Variants in SMARCC1 observed in about 807,000 individuals in gnomAD.
The protein encoded by SMARCC1 is SWI/SNF complex subunit SMARCC1.
Under a neutral mutation model 147.4 loss-of-function variants are expected in SMARCC1, and 43 were observed. The ratio of observed to expected loss-of-function variants is 0.29; its 90% CI spans 0.23 to 0.38. SMARCC1 has a LOEUF of 0.38. Ranked by LOEUF, SMARCC1 falls within the 10% of genes least tolerant of loss-of-function variation. SMARCC1 has a pLI of 1.00. For synonymous variants in SMARCC1, 495 were observed against 484.4 expected, an observed-to-expected ratio of 1.02 and a Z score of -0.29; for missense variants, 1,119 against 1,381.1, an observed-to-expected ratio of 0.81 and a Z score of 3.01.
intron 21 of SMARCC1, among the ~76,000 whole-genome samples, chr3:47,660,064 A>G (rs1349509221): frequency 6.6e-6 from 1 of 152,212 alleles, no homozygotes; most frequent in African/African-American, 2.4e-5. Context: ...CCCTAGGTAT[A>G]CACCCAACCA....
At chr3:47,711,976 T>C (rs561021642) in intron 8 of SMARCC1, among the ~76,000 whole-genome samples, 1 of 152,222 alleles carries the variant, frequency 6.6e-6, no homozygotes, top group Non-Finnish European at 1.5e-5. Flanking sequence ...TTCATGCCTG[T>C]AATCCCAGCA....
At chr3:47,702,460 CACT>C (rs1430077949) in intron 10 of SMARCC1, among the ~76,000 whole-genome samples, 2 of 152,204 alleles carry the variant, frequency 1.3e-5, no homozygotes, top group Admixed American at 6.5e-5. Context: ...TTTAACAATT[CACT>C]AAGAGGTAAG....
At chr3:47,663,649 C>T (rs2033381086) in intron 19 of SMARCC1, 3 of 1,515,384 alleles carry the variant, frequency 2.0e-6, no homozygotes, top group Non-Finnish European at 2.8e-6. Flanking sequence ...CAGAGGTCCC[C>T]TTTGAACCAT....
intron 16 of SMARCC1, 96 bp from the exon 17 acceptor site, chr3:47,676,878 C>A: frequency 9.7e-7 from 1 of 1,036,132 alleles, no homozygotes; most frequent in Non-Finnish European, 1.4e-6. Flanking sequence ...AACAATAAAA[C>A]CAGTAAATGT....
At chr3:47,716,540 C>A (rs1016636894) in intron 7 of SMARCC1, among the ~76,000 whole-genome samples, 1 of 152,026 alleles carries the variant, frequency 6.6e-6, no homozygotes, top group African/African-American at 2.4e-5. Flanking sequence ...TAACAAGACT[C>A]CTTAAGACAA....
In SMARCC1 at chr3:47,729,091, T is replaced by C; in HGVS notation, c.580A>G (p.Thr194Ala). The C allele has an allele frequency of 6.2e-7, 1 of 1,608,932 alleles. No homozygotes were observed. The highest frequency in any genetic ancestry group is 1.3e-5 in the African/African-American group (1 of 74,966). ...GCTTTTGACTTCTCATCCGTAAATG[T>C]TCCCTGGAAAGCAAATGAACAAAAA... ...LKDIIKRHQG[T>A]FTDEKSKASH... The change falls in exon 6 of 28, where the codon ACA (threonine) becomes GCA (alanine). Residue 194 changes from threonine to alanine, a missense_variant. Physicochemically the swap from Thr to Ala is moderately conservative, Grantham distance 58. This residue lies in a region of SMARCC1 where 542 missense variants were observed against 611.8 expected (regional missense o/e 0.89). Coordinates refer to ENST00000254480, the MANE Select transcript of SMARCC1 (RefSeq NM_003074.4).
At chr3:47,621,216 C>T (rs928442177) in intron 25 of SMARCC1, among the ~76,000 whole-genome samples, 5 of 149,636 alleles carry the variant, frequency 3.3e-5, no homozygotes, top group African/African-American at 1.2e-4. Flanking sequence ...AGGGGCATCG[C>T]TTGAACCTAG....
At chr3:47,737,864 G>A (rs1369644123) in intron 4 of SMARCC1, among the ~76,000 whole-genome samples, 165 bp downstream of exon 4, 2 of 146,616 alleles carry the variant, frequency 1.4e-5, no homozygotes, top group Admixed American at 1.4e-4. Flanking sequence ...GGGTTTCACC[G>A]TGTTAGCCAG....
At chr3:47,674,901 TTTC>T (rs1024482882) in intron 18 of SMARCC1, among the ~76,000 whole-genome samples, 129 of 152,310 alleles carry the variant, frequency 8.5e-4, no homozygotes, top group African/African-American at 2.7e-3. Context: ...CATTTTTCTT[TTTC>T]TTCTTTTAAT....
At chr3:47,665,358 T>C (rs1453977262) in intron 19 of SMARCC1, among the ~76,000 whole-genome samples, 1 of 152,138 alleles carries the variant, frequency 6.6e-6, no homozygotes, top group African/African-American at 2.4e-5. Flanking sequence ...GAAAAATAAA[T>C]CTCACTCGGG....
chr3:47,722,314 T>TTTTGG (rs2034242844), intron 6 of SMARCC1, among the ~76,000 whole-genome samples: 1 of 150,516 alleles, frequency 6.6e-6, no homozygotes, highest in Non-Finnish European at 1.5e-5. Context: ...TTTTTTTTTT[T>TTTTGG]GAGACAGAGT....
intron 12 of SMARCC1, among the ~76,000 whole-genome samples, chr3:47,689,806 G>A (rs1189440647): frequency 2.6e-5 from 4 of 152,098 alleles, no homozygotes; most frequent in African/African-American, 4.8e-5. Context: ...GTAAAAAAAC[G>A]GGTGATAACC....
At chr3:47,669,527 TCAGTAC>T (rs1488237659) in intron 19 of SMARCC1, among the ~76,000 whole-genome samples, 2 of 152,076 alleles carry the variant, frequency 1.3e-5, no homozygotes, top group Non-Finnish European at 2.9e-5. Flanking sequence ...AGTGAGTCAG[TCAGTAC>T]CATAGGAAAG....
intron 26 of SMARCC1, among the ~76,000 whole-genome samples, chr3:47,595,700 T>C (rs2032264357): frequency 1.3e-5 from 2 of 151,912 alleles, no homozygotes; most frequent in African/African-American, 4.8e-5. Flanking sequence ...CTATCTTTCA[T>C]CTGTATTACA....
intron 5 of SMARCC1, among the ~76,000 whole-genome samples, chr3:47,730,528 C>CA (rs755907262): frequency 1.3e-5 from 2 of 152,100 alleles, no homozygotes; most frequent in Non-Finnish European, 2.9e-5. Context: ...TTTTAGAAAA[C>CA]AGTGTACATA....
chr3:47,770,280 G>A (rs2034897515), intron 2 of SMARCC1, among the ~76,000 whole-genome samples: 1 of 151,448 alleles, frequency 6.6e-6, no homozygotes, highest in African/African-American at 2.4e-5. Flanking sequence ...GTAATCCCAG[G>A]ACTTTGCAAA....
At chr3:47,692,230 A>AC (rs1232070469) in intron 12 of SMARCC1, among the ~76,000 whole-genome samples, 1 of 152,118 alleles carries the variant, frequency 6.6e-6, no homozygotes, top group East Asian at 1.9e-4. Flanking sequence ...GTTTAAAACT[A>AC]CCCCTATTTA....
chr3:47,653,518 C>T (rs890187315), intron 21 of SMARCC1, among the ~76,000 whole-genome samples: 10 of 152,186 alleles, frequency 6.6e-5, no homozygotes, highest in East Asian at 1.9e-4. Context: ...CTATATCACT[C>T]GGTTTCAAAT....
intron 14 of SMARCC1, among the ~76,000 whole-genome samples, chr3:47,684,165 G>A (rs914866236): frequency 1.3e-5 from 2 of 150,862 alleles, no homozygotes; most frequent in East Asian, 2.0e-4. Flanking sequence ...GCGTGAACCC[G>A]GGAGGCGGAG....
Sources: gnomAD v4.1 joint callset for allele counts (sites outside exome capture counted in the v4.1 genomes callset) on GRCh38, gnomAD v4.1.1 for gene constraint, gnomAD v4.1.1 regional missense constraint, MANE v1.5 for transcripts, NCBI Gene and HGNC (gene_info 2026-07-23, HGNC 2026-07-21) for gene names.